TARDBP: variants seen among roughly 807,000 people sequenced by gnomAD.
The protein encoded by TARDBP is TAR DNA-binding protein 43.
TARDBP carries 4 observed loss-of-function variants against 38.3 expected under a neutral mutation model. That is an observed-to-expected ratio of 0.10 (90% confidence interval 0.05 to 0.24). The LOEUF (loss-of-function observed/expected upper bound fraction) is 0.24. Among genes scored for constraint, TARDBP ranks in the 10% least tolerant of loss-of-function variants. TARDBP has a pLI of 1.00. For synonymous variants in TARDBP, 184 were observed against 183.8 expected, an observed-to-expected ratio of 1.00 and a Z score of -0.01; for missense variants, 202 against 521.9, an observed-to-expected ratio of 0.39 and a Z score of 5.97.
chr1:11,026,813 C>T (rs999214783), downstream of TARDBP: 77 of 1,331,962 alleles, frequency 5.8e-5, 1 homozygote, highest in South Asian at 7.0e-4. Context: ...GAATGCTTCT[C>T]GAGCCACGTC....
rs920886185 is a variant in TARDBP at position 11,014,032 on chromosome 1, C to G, written c.238+67C>G. On this transcript the variant is annotated intron_variant, in intron 2 of 5. Transcript: ENST00000240185. Reference sequence around the variant, plus strand: ...TCAGGTGTGTGTCTCATCCATGGATCTTAGCCTCTTTTGGTGGCAGAATGT... The same window carrying G: ...TCAGGTGTGTGTCTCATCCATGGATGTTAGCCTCTTTTGGTGGCAGAATGT... 2.5e-5 allele frequency: 38 copies of G among 1,492,308 alleles called. No individual in the cohort carries two copies. In the African/African-American group the frequency reaches 5.1e-4, roughly 20 times the overall value. The allele number at this position is 1,492,308 out of a possible 1,614,324, so 92.4% of individuals were successfully genotyped here.
At chr1:11,014,839 A>G (rs995596079) in intron 2 of TARDBP, among the ~76,000 whole-genome samples, 4 of 152,176 alleles carry the variant, frequency 2.6e-5, no homozygotes, top group African/African-American at 9.7e-5. Context: ...CAGGAGGCAG[A>G]CGCAGGAGAA....
intron 3 of TARDBP, among the ~76,000 whole-genome samples, chr1:11,017,553 C>T (rs1350572562): frequency 6.6e-6 from 1 of 152,080 alleles, no homozygotes; most frequent in Non-Finnish European, 1.5e-5. Context: ...GATGATACTT[C>T]CAATATTTGT....
intron 3 of TARDBP, 82 bp downstream of exon 3, chr1:11,017,089 G>C: frequency 1.4e-6 from 2 of 1,449,494 alleles, no homozygotes; most frequent in Non-Finnish European, 1.9e-6. Flanking sequence ...AATAGAGATG[G>C]GGTATCACTA....
chr1:11,028,637 T>A (rs1270677271), downstream of TARDBP, among the ~76,000 whole-genome samples: 3 of 151,944 alleles, frequency 2.0e-5, no homozygotes, highest in East Asian at 5.8e-4. Context: ...AATACAGGTT[T>A]AAAAAAACTA....
chr1:11,029,137 C>T (rs1269121747), downstream of TARDBP, among the ~76,000 whole-genome samples: 24 of 149,004 alleles, frequency 1.6e-4, no homozygotes, highest in African/African-American at 5.6e-4. Context: ...GGACTACAGG[C>T]GCCTGCCACC....
Position 11,022,713 on chromosome 1 carries a change from A to G in TARDBP, c.*59A>G. 1 of 1,578,238 alleles carries G rather than the reference A, an allele frequency of 6.3e-7. No individual in the cohort carries two copies. The highest frequency in any genetic ancestry group is 8.6e-7 in the Non-Finnish European group (1 of 1,163,866). On this transcript the variant is annotated 3_prime_UTR_variant, in exon 6 of 6. Transcript: ENST00000240185. The surrounding 1 kb of genome is among the most constrained non-coding windows in gnomAD (Gnocchi z 4.5). ...TGGGAATTCAAATTTTTCTAAACTC[A>G]TGGTAAGTATATTGTAAAATACATA...
intron 2 of TARDBP, chr1:11,015,728 G>A (rs1299407651): frequency 1.4e-5 from 2 of 144,352 alleles, no homozygotes; most frequent in African/African-American, 5.2e-5. Context: ...GGTTATTTGG[G>A]GGGTTTTTTT....
chr1:11,030,106 C>G, downstream of TARDBP: 2 of 1,122,972 alleles, frequency 1.8e-6, no homozygotes, highest in Non-Finnish European at 2.7e-6. Flanking sequence ...AGCTAAAGCT[C>G]TCCTCACTGT....
Position 11,022,986 on chromosome 1 carries a change from A to G in TARDBP, c.*332A>G. On this transcript the variant is annotated 3_prime_UTR_variant, in exon 6 of 6. Transcript: ENST00000240185. The surrounding 1 kb of genome is among the most constrained non-coding windows in gnomAD (Gnocchi z 4.5). ...TGGACTTGTCAAGTGAATTCTTTGCATGTTCAAAACGGAAACCATTGATTA... is the reference window on the plus strand; with the variant it reads ...TGGACTTGTCAAGTGAATTCTTTGCGTGTTCAAAACGGAAACCATTGATTA... 1.4e-6 allele frequency: 2 copies of G among 1,394,454 alleles called. No individual in the cohort carries two copies. Among genetic ancestry groups the G allele is most frequent in the South Asian group, 1.8e-5 (1 of 56,304 alleles). The allele number at this position is 1,394,454 out of a possible 1,614,324, so 86.4% of individuals were successfully genotyped here.
chr1:11,016,540 A>G (rs780269966), intron 2 of TARDBP, among the ~76,000 whole-genome samples: 4 of 152,242 alleles, frequency 2.6e-5, no homozygotes, highest in Non-Finnish European at 5.9e-5. Flanking sequence ...GCTGATATTT[A>G]AAGTCAAAGT....
chr1:11,026,983 A>G (rs1165915154), downstream of TARDBP: 3 of 1,588,442 alleles, frequency 1.9e-6, no homozygotes, highest in Non-Finnish European at 2.6e-6. Context: ...ATGGAACCCC[A>G]GGACACTATT....
At chr1:11,014,936 C>T (rs1244705982) in intron 2 of TARDBP, among the ~76,000 whole-genome samples, 2 of 70,560 alleles carry the variant, frequency 2.8e-5, no homozygotes, top group East Asian at 1.6e-3. Flanking sequence ...AACTCCGTCT[C>T]AAAACAAAAA....
chr1:11,017,298 G>A (rs1226701469), intron 3 of TARDBP, among the ~76,000 whole-genome samples: 2 of 151,736 alleles, frequency 1.3e-5, no homozygotes, highest in Admixed American at 6.6e-5. Flanking sequence ...CCACCTCCCG[G>A]GTTTAAGTGA....
intron 3 of TARDBP, 107 bp downstream of exon 3, chr1:11,017,114 T>A (rs1643538798): frequency 1.5e-6 from 2 of 1,320,112 alleles, no homozygotes; most frequent in Admixed American, 3.5e-5. Flanking sequence ...CCCTAGGTTC[T>A]GGCGTCAAAC....
downstream of TARDBP, chr1:11,027,311 A>G (rs536389147): frequency 1.0e-4 from 162 of 1,614,012 alleles, 1 homozygote; most frequent in South Asian, 1.6e-3. Context: ...TGATGTTGCT[A>G]TTGATTACAA....
Position 11,022,685 on chromosome 1 carries a change from T to A in TARDBP, c.*31T>A. Reference sequence around the variant, plus strand: ...GGGGTTGTGGTTGGTTGGTATAGAATGGTGGGAATTCAAATTTTTCTAAAC... The same window carrying A: ...GGGGTTGTGGTTGGTTGGTATAGAAAGGTGGGAATTCAAATTTTTCTAAAC... On this transcript the variant is annotated 3_prime_UTR_variant, in exon 6 of 6. Coordinates refer to ENST00000240185, the MANE Select transcript of TARDBP (RefSeq NM_007375.4). The surrounding 1 kb of genome is among the most constrained non-coding windows in gnomAD (Gnocchi z 4.5). 6.3e-7 allele frequency: 1 copy of A among 1,594,498 alleles called. No homozygotes were observed. Among genetic ancestry groups the A allele is most frequent in the African/African-American group, 1.4e-5 (1 of 73,984 alleles).
At chr1:11,028,697 G>GTTTTTTTTTTT (rs1208974169), downstream of TARDBP, among the ~76,000 whole-genome samples, 10 of 36,176 alleles carry the variant, frequency 2.8e-4, no homozygotes, top group African/African-American at 1.2e-3. Flanking sequence ...ATCTTTCTGG[G>GTTTTTTTTTTT]TTTTTTTTCT....
In TARDBP at chr1:11,020,671, G is replaced by A. The variant is rs566379255; in HGVS notation, c.714+72G>A. The A allele has an allele frequency of 9.0e-6, 14 of 1,549,642 alleles. No homozygotes were observed. The African/African-American group carries it at 1.9e-4, about 21-fold the overall frequency. On this transcript the variant is annotated intron_variant, in intron 5 of 5. Coordinates refer to ENST00000240185, the MANE Select transcript of TARDBP (RefSeq NM_007375.4). ...TGCTTACAATCCCAGCACTTTGGAG[G>A]CCGAGGCGGGTGGATCACGAGGTCA... is the stretch of plus-strand genomic sequence containing the variant.
Sources: allele counts gnomAD v4.1 joint callset (sites outside exome capture counted in the v4.1 genomes callset), GRCh38; gene constraint gnomAD v4.1.1; non-coding constraint Gnocchi (gnomAD v3.1); transcripts MANE v1.5; gene names NCBI Gene and HGNC (gene_info 2026-07-23, HGNC 2026-07-21).